Variants in PPIL3 observed in about 807,000 individuals in gnomAD.
The protein encoded by PPIL3 is peptidyl-prolyl cis-trans isomerase-like 3.
In PPIL3, 13 loss-of-function variants were observed where a neutral mutation model predicts 20.9. The ratio of observed to expected loss-of-function variants is 0.62; its 90% CI spans 0.40 to 0.99. The LOEUF is 0.99. Ranked by LOEUF, PPIL3 falls within the 50% of genes least tolerant of loss-of-function variation. The pLI is 0.00. For missense variants in PPIL3, 170 were observed against 195.2 expected (o/e 0.87, Z 0.77); for synonymous variants, 71 against 64.4 (o/e 1.10, Z -0.49).
At chr2:200,883,881 G>A (rs191371556) in intron 3 of PPIL3, among the ~76,000 whole-genome samples, 139 of 152,184 alleles carry the variant, frequency 9.1e-4, no homozygotes, top group African/African-American at 3.1e-3. Flanking sequence ...TCCCACCTTG[G>A]CCTCCCTTGT....
At chr2:200,887,472 T>C (rs898438029) in intron 2 of PPIL3, 141 bp downstream of exon 2, 4 of 442,878 alleles carry the variant, frequency 9.0e-6, no homozygotes, top group Non-Finnish European at 1.6e-5. Flanking sequence ...TTTAAAAGAA[T>C]TATTCCATAT....
chr2:200,884,486 C>T (rs1201596747), intron 3 of PPIL3, among the ~76,000 whole-genome samples: 1 of 152,156 alleles, frequency 6.6e-6, no homozygotes, highest in Non-Finnish European at 1.5e-5. Flanking sequence ...GCCTATAATT[C>T]CAATACTTCA....
intron 2 of PPIL3, among the ~76,000 whole-genome samples, chr2:200,887,311 A>C (rs1210556586): frequency 6.9e-6 from 1 of 144,216 alleles, no homozygotes; most frequent in African/African-American, 2.6e-5. Flanking sequence ...GCTTGAACCC[A>C]GGGGCAGAGG....
chr2:200,872,168 C>G (rs1240910408), intron 6 of PPIL3, among the ~76,000 whole-genome samples: 1 of 152,172 alleles, frequency 6.6e-6, no homozygotes, highest in Non-Finnish European at 1.5e-5. Context: ...TGCCCCCCAG[C>G]TCTGTTCAAT....
intron 6 of PPIL3, among the ~76,000 whole-genome samples, chr2:200,872,055 G>A (rs946987308): frequency 2.0e-5 from 3 of 152,190 alleles, no homozygotes; most frequent in Admixed American, 6.5e-5. Context: ...CAGAGACCCC[G>A]GTTAATCCCA....
At chr2:200,878,157 TAATA>T (rs2039590185) in intron 5 of PPIL3, among the ~76,000 whole-genome samples, 1 of 152,168 alleles carries the variant, frequency 6.6e-6, no homozygotes, top group African/African-American at 2.4e-5. Flanking sequence ...ACACAATATT[TAATA>T]CATACACAAA....
rs1262014339 is a variant in PPIL3, at chr2:200,882,156, T to C, written c.172+186A>G. 2.0e-5 allele frequency among the ~76,000 whole-genome samples: 3 copies of C among 152,142 alleles called. No homozygotes were observed. In the East Asian group the frequency reaches 5.8e-4, roughly 29 times the overall value. ...AAAACCTAGAGGACAGGCTGATAGG[T>C]GCAGCAAACCACCATGGCACACATA... On this transcript the variant is annotated intron_variant, in intron 4 of 6. Transcript: ENST00000392283.
intron 2 of PPIL3, chr2:200,887,081 T>G (rs1324563009): frequency 2.0e-5 from 3 of 152,476 alleles, no homozygotes; most frequent in African/African-American, 7.2e-5. Flanking sequence ...TAATCAATCT[T>G]TCTCCATAAA....
chr2:200,873,951 A>C (rs372507076), intron 6 of PPIL3, among the ~76,000 whole-genome samples: 1 of 151,642 alleles, frequency 6.6e-6, no homozygotes, highest in South Asian at 2.1e-4. Flanking sequence ...CACGCCTGTA[A>C]TCTCAGCACT....
Position 200,887,655 on chromosome 2 carries a change from T to C in PPIL3, c.-40A>G. ...GTTTCAGGAAGGACTACGTGATTTC[T>C]CAGTCTTACAGCGAGCTCAAAAATA... On this transcript the variant is annotated 5_prime_UTR_variant, in exon 2 of 7. Transcript: ENST00000392283. 6.3e-7 allele frequency: 1 copy of C among 1,589,984 alleles called. No homozygotes were observed. The highest frequency in any genetic ancestry group is 8.6e-7 in the Non-Finnish European group (1 of 1,165,918).
chr2:200,885,429 T>TA (rs2039896801), intron 3 of PPIL3: 1 of 381,712 alleles, frequency 2.6e-6, no homozygotes, highest in Non-Finnish European at 4.6e-6. Flanking sequence ...TATAATGTCC[T>TA]AATGATTACG....
chr2:200,884,526 C>T (rs1399999413), intron 3 of PPIL3, among the ~76,000 whole-genome samples: 1 of 152,008 alleles, frequency 6.6e-6, no homozygotes, highest in African/African-American at 2.4e-5. Context: ...TGGCTGGAGA[C>T]CAGGAGTTCG....
chr2:200,875,274 G>A (rs1184412686), intron 6 of PPIL3, among the ~76,000 whole-genome samples: 2 of 146,018 alleles, frequency 1.4e-5, no homozygotes, highest in Non-Finnish European at 3.0e-5. Flanking sequence ...TTCTGGGAAA[G>A]TTTTTTTTTT....
chr2:200,888,997 A>G lies in PPIL3; in HGVS notation c.-112T>C. ...CGTCTAGCACAGCCGTTGTTAAAACAGGAAAAATGCAATCGCAGATGCCAG... is the reference window on the plus strand; with the variant it reads ...CGTCTAGCACAGCCGTTGTTAAAACGGGAAAAATGCAATCGCAGATGCCAG... On this transcript the variant is annotated 5_prime_UTR_variant, in exon 1 of 7. Coordinates refer to ENST00000392283, the MANE Select transcript of PPIL3 (RefSeq NM_130906.3). 1 of 471,236 alleles carries G rather than the reference A, an allele frequency of 2.1e-6. No individual in the cohort carries two copies. Among genetic ancestry groups the G allele is most frequent in the Non-Finnish European group, 4.4e-6 (1 of 227,066 alleles). 29.2% of individuals were successfully genotyped at this position (471,236 alleles called of 1,614,324 possible).
intron 6 of PPIL3, among the ~76,000 whole-genome samples, chr2:200,874,635 A>G (rs1371737185): frequency 6.6e-6 from 1 of 152,206 alleles, no homozygotes; most frequent in Non-Finnish European, 1.5e-5. Flanking sequence ...ACTGAACAAT[A>G]ATTTTGAATG....
chr2:200,873,562 A>G (rs1328247616), intron 6 of PPIL3, among the ~76,000 whole-genome samples: 1 of 152,174 alleles, frequency 6.6e-6, no homozygotes, highest in African/African-American at 2.4e-5. Context: ...GAGAAGACTG[A>G]CAGTTAACAG....
chr2:200,886,310 T>A (rs1386054039), intron 2 of PPIL3, among the ~76,000 whole-genome samples: 2 of 152,208 alleles, frequency 1.3e-5, no homozygotes, highest in African/African-American at 4.8e-5. Context: ...ACCACAGTGC[T>A]TTCTTGCTTG....
At chr2:200,885,068 GA>G (rs1161456179) in intron 3 of PPIL3, 202 of 50,302 alleles carry the variant, frequency 4.0e-3, no homozygotes, top group African/African-American at 9.5e-3. Context: ...TCCGTCTTGA[GA>G]AAAAAAAAAA....
chr2:200,878,630 T>C (rs2039606490), intron 5 of PPIL3, among the ~76,000 whole-genome samples: 1 of 152,044 alleles, frequency 6.6e-6, no homozygotes, highest in Admixed American at 6.6e-5. Flanking sequence ...CCTCAAGTAC[T>C]TGTTCCTCTC....
Sources: allele counts gnomAD v4.1 joint callset (sites outside exome capture counted in the v4.1 genomes callset), GRCh38; gene constraint gnomAD v4.1.1; transcripts MANE v1.5; gene names NCBI Gene and HGNC (gene_info 2026-07-23, HGNC 2026-07-21).